Variants in DPP3 observed in about 807,000 individuals in gnomAD.
DPP3 encodes dipeptidyl peptidase 3, also known as DPP III.
Under a neutral mutation model 89.8 loss-of-function variants are expected in DPP3, and 64 were observed. The observed-to-expected ratio is 0.71, with a 90% CI of 0.58 to 0.88. The LOEUF is 0.88. Among genes scored for constraint, DPP3 ranks in the 40% least tolerant of loss-of-function variants. The pLI, the probability that DPP3 is intolerant of heterozygous loss-of-function variation, is 0.00. For synonymous variants in DPP3, 377 were observed against 404.3 expected (o/e 0.93, Z 0.81); for missense variants, 835 against 972.5 (o/e 0.86, Z 1.88).
intron 1 of DPP3, chr11:66,480,677 C>T (rs921532266): frequency 8.2e-6 from 4 of 487,120 alleles, no homozygotes; most frequent in South Asian, 5.2e-5. Context: ...GGCGGGGCTT[C>T]TGGAGGCCGG....
rs1044674317 is a variant in DPP3, at chr11:66,497,824, G to A, written c.1878+347G>A. On this transcript the variant is annotated intron_variant, in intron 16 of 17. Transcript: ENST00000531863. ...GAGGATCACTTGAGCCTGAGGGGTCGAGGCTGCAGTAAGCCATGATTGCAC... is the reference window on the plus strand; with the variant it reads ...GAGGATCACTTGAGCCTGAGGGGTCAAGGCTGCAGTAAGCCATGATTGCAC... 2.6e-5 allele frequency among the ~76,000 whole-genome samples: 4 copies of A among 151,662 alleles called. 1 individual carries two copies. The highest frequency in any genetic ancestry group is 3.9e-4 in the East Asian group (2 of 5,134).
intron 10 of DPP3, 37 bp downstream of exon 10, chr11:66,492,947 C>T: frequency 6.3e-7 from 1 of 1,597,898 alleles, no homozygotes; most frequent in East Asian, 2.2e-5. Flanking sequence ...GCCCCAGAAA[C>T]CTTCCTTTAG....
rs201572126 is a variant in DPP3 at position 66,493,055 on chromosome 11, C to T, written c.1184-12C>T. 1.9e-6 allele frequency: 3 copies of T among 1,613,748 alleles called. No homozygotes were observed. The highest frequency in any genetic ancestry group is 1.3e-5 in the African/African-American group (1 of 74,936). On this transcript the variant is annotated splice_polypyrimidine_tract_variant and intron_variant, in intron 10 of 17. Coordinates refer to ENST00000531863, the MANE Select transcript of DPP3 (RefSeq NM_130443.4). ...TCACCTCTTCTTTCTGGTCCTTCTC[C>T]ACCTTCTCCAGACGATGATCTGAGG...
Position 66,487,983 on chromosome 11 carries a change from C to G in DPP3, c.643C>G (p.Arg215Gly). The G allele has an allele frequency of 6.2e-7, 1 of 1,613,986 alleles. No homozygotes were observed. The highest frequency in any genetic ancestry group is 1.1e-5 in the South Asian group (1 of 91,068). ...AGAAGGGAAGCCCTACTACGAGGTG[C>G]GGCTGGCTTCTGTGCTTGGCTCAGG... The part of the protein sequence containing the change: ...DGEGKPYYEV[R>G]LASVLGSEPS... The change falls in exon 6 of 18, where the codon CGG becomes GGG. Residue 215 changes from arginine (R) to glycine (G), a missense_variant. By Grantham distance (125) the Arg-to-Gly change is moderately radical. Transcript: ENST00000531863.
chr11:66,488,929 G>A (rs946278641), intron 6 of DPP3, among the ~76,000 whole-genome samples: 7 of 152,134 alleles, frequency 4.6e-5, no homozygotes, highest in Non-Finnish European at 1.0e-4. Context: ...GCAGTGGTGC[G>A]ACCTTGGTTC....
chr11:66,496,271 A>G (rs888763276), intron 15 of DPP3, among the ~76,000 whole-genome samples: 1 of 152,156 alleles, frequency 6.6e-6, no homozygotes, highest in African/African-American at 2.4e-5. Flanking sequence ...TTTTTGAGAC[A>G]AAGTCTCGCT....
chr11:66,504,563 G>T, intron 16 of DPP3, 49 bp from the exon 17 acceptor site: 1 of 1,556,092 alleles, frequency 6.4e-7, no homozygotes. Flanking sequence ...GAGCCCTGTG[G>T]ACACCGGGTA....
chr11:66,482,175 G>A lies in DPP3; in HGVS notation c.-8-18G>A, dbSNP rs201562215. 3.6e-4 allele frequency: 580 copies of A among 1,612,114 alleles called. 6 individuals carry two copies. The South Asian group carries it at 6.0e-3, about 17-fold the overall frequency. On this transcript the variant is annotated intron_variant, in intron 1 of 17. Transcript: ENST00000531863. ...GTATGGGGTAAACAACAGCTGTGAT[G>A]ACAGTGATGGTTCTCAGCAGGGCCC...
At chr11:66,496,106 G>A (rs760938236) in intron 15 of DPP3, among the ~76,000 whole-genome samples, 1 of 152,204 alleles carries the variant, frequency 6.6e-6, no homozygotes, top group Non-Finnish European at 1.5e-5. Context: ...TGAGGAAGTC[G>A]AGGCACAAGG....
chr11:66,486,411 C>T (rs556998481), intron 3 of DPP3, 129 bp from the exon 4 acceptor site: 256 of 1,161,104 alleles, frequency 2.2e-4, no homozygotes, highest in Non-Finnish European at 2.8e-4. Flanking sequence ...ACAAGTGCTG[C>T]TGGTCCATGG....
chr11:66,494,718 A>G (rs1276495988), intron 12 of DPP3, among the ~76,000 whole-genome samples: 1 of 152,144 alleles, frequency 6.6e-6, no homozygotes, highest in Non-Finnish European at 1.5e-5. Context: ...GTGGGGTGAT[A>G]GTGGCACTGT....
intron 16 of DPP3, among the ~76,000 whole-genome samples, chr11:66,501,528 T>C (rs1426446520): frequency 6.6e-6 from 1 of 151,800 alleles, no homozygotes; most frequent in African/African-American, 2.4e-5. Flanking sequence ...TCACAATATA[T>C]ACAGTTCAAA....
At position 66,491,705 on chromosome 11, in the gene DPP3, G is replaced by T. The variant is rs200788432; in HGVS notation, c.937G>T (p.Gly313Trp). ...DKGPIVESYI[G>W]FIESYRDPFG... ...TGCCCTTCTCTCCCCCAGTTACATC[G>T]GGTTCATCGAGAGCTACCGCGACCC... Residue 313 changes from glycine to tryptophan, a missense_variant, in exon 9 of 18, where the codon GGG becomes TGG. Physicochemically the swap from Gly to Trp is radical, Grantham distance 184. Coordinates refer to ENST00000531863, the MANE Select transcript of DPP3 (RefSeq NM_130443.4). The T allele has an allele frequency of 6.2e-7, 1 of 1,604,954 alleles. No individual in the cohort carries two copies. The highest frequency in any genetic ancestry group is 8.5e-7 in the Non-Finnish European group (1 of 1,178,846).
At chr11:66,502,686 G>A (rs576913517) in intron 16 of DPP3, among the ~76,000 whole-genome samples, 2 of 152,056 alleles carry the variant, frequency 1.3e-5, no homozygotes, top group African/African-American at 2.4e-5. Flanking sequence ...GGATGGTCTC[G>A]ATCTCCTGAC....
chr11:66,486,307 T>C (rs1449919850), intron 3 of DPP3, among the ~76,000 whole-genome samples: 1 of 152,176 alleles, frequency 6.6e-6, no homozygotes, highest in Non-Finnish European at 1.5e-5. Context: ...CTTGAACTCC[T>C]GGCCTCAAGC....
Position 66,495,751 on chromosome 11 carries a change from G to T in DPP3, c.1698+1G>T, listed in dbSNP as rs199768141. Reference sequence around the variant, plus strand: ...ACCTGAGGCCTTCAACTGGCGACAGGTAGGGCCTAGGTGGAGCCCCCTGGA... The same window carrying T: ...ACCTGAGGCCTTCAACTGGCGACAGTTAGGGCCTAGGTGGAGCCCCCTGGA... On this transcript the variant is annotated splice_donor_variant, in intron 15 of 17. Coordinates refer to ENST00000531863, the MANE Select transcript of DPP3 (RefSeq NM_130443.4). LOFTEE classifies it high-confidence loss of function. The T allele has an allele frequency of 2.2e-5, 35 of 1,603,934 alleles. No individual in the cohort carries two copies. The highest frequency in any genetic ancestry group is 2.7e-5 in the African/African-American group (2 of 74,724).
intron 4 of DPP3, 36 bp from the exon 5 acceptor site, chr11:66,487,232 A>G (rs1343178372): frequency 6.2e-7 from 1 of 1,608,046 alleles, no homozygotes; most frequent in Non-Finnish European, 8.5e-7. Context: ...GACCTTGGCA[A>G]CTCCTCTTTC....
At chr11:66,499,224 A>C (rs201999793) in intron 16 of DPP3, among the ~76,000 whole-genome samples, 1 of 151,676 alleles carries the variant, frequency 6.6e-6, no homozygotes, top group African/African-American at 2.4e-5. Context: ...TTAGCTGGGC[A>C]TGGTGGCTGG....
At position 66,493,563 on chromosome 11, in the gene DPP3, G is replaced by T; in HGVS notation, c.1319G>T (p.Gly440Val). The T allele has an allele frequency of 6.2e-7, 1 of 1,613,254 alleles. No individual in the cohort carries two copies. Among genetic ancestry groups the T allele is most frequent in the Non-Finnish European group, 8.5e-7 (1 of 1,179,920 alleles). Reference sequence around the variant, plus strand: ...CAGGACCTGTACATCCTCTGGAAGGGGCCCTCCTTCGATGTGCAGGTGGGC... The same window carrying T: ...CAGGACCTGTACATCCTCTGGAAGGTGCCCTCCTTCGATGTGCAGGTGGGC... ...DDKDLYILWK[G>V]PSFDVQVGLH... is the part of the protein sequence containing the mutation. Residue 440 changes from glycine to valine, a missense_variant, in exon 12 of 18, where the codon GGG becomes GTG. Gly to Val is a moderately radical substitution (Grantham distance 109). Coordinates refer to ENST00000531863, the MANE Select transcript of DPP3 (RefSeq NM_130443.4).
Sources: allele counts gnomAD v4.1 joint callset (sites outside exome capture counted in the v4.1 genomes callset), GRCh38; gene constraint gnomAD v4.1.1; transcripts MANE v1.5; gene names NCBI Gene and HGNC (gene_info 2026-07-23, HGNC 2026-07-21).